The following MCF2L variants were observed in gnomAD, a reference collection of about 807,000 sequenced individuals.
MCF2L encodes the protein guanine nucleotide exchange factor DBS.
In MCF2L, 97 loss-of-function variants were observed where a neutral mutation model predicts 153.4. That is an observed-to-expected ratio of 0.63 (90% CI 0.54 to 0.75). The LOEUF (loss-of-function observed/expected upper bound fraction) is 0.75, where lower values mean the gene tolerates loss of function less well. MCF2L is among the 30% of genes least tolerant of loss of function. The probability of loss-of-function intolerance (pLI) is 0.00; values close to 1 mark genes in which losing one functional copy is unlikely to be tolerated. For synonymous variants in MCF2L, 659 were observed against 632.2 expected, an observed-to-expected ratio of 1.04 and a Z score of -0.64; for missense variants, 1,347 against 1,495.2, an observed-to-expected ratio of 0.90 and a Z score of 1.64.
At chr13:113,036,754 T>A (rs1010076947) in intron 3 of MCF2L, among the ~76,000 whole-genome samples, 1 of 152,268 alleles carries the variant, frequency 6.6e-6, no homozygotes, top group African/African-American at 2.4e-5. Flanking sequence ...GCCTCCTGGC[T>A]GCTGCCAGTG....
intron 12 of MCF2L, among the ~76,000 whole-genome samples, chr13:113,076,416 C>CGT: frequency 6.6e-6 from 1 of 152,154 alleles, no homozygotes. Context: ...AGGCGCCCAC[C>CGT]ACCAAGCCTG....
chr13:113,014,803 C>A lies in MCF2L; in HGVS notation c.120C>A (p.Ala40=). ...MHQDIVPLCA[A]DIQDQLKKRF... ...AGGACATCGTCCCGCTCTGTGCTGC[C>A]GACATCCAGGACCAGCTAAAGAAGC... is the stretch of plus-strand genomic sequence containing the variant. The change falls in exon 2 of 30, where the codon GCC becomes GCA. Residue 40 remains alanine, a synonymous_variant. Coordinates refer to ENST00000535094, the MANE Select transcript of MCF2L (RefSeq NM_001112732.3). The A allele has an allele frequency of 6.2e-7, 1 of 1,614,058 alleles. No homozygotes were observed. Among genetic ancestry groups the A allele is most frequent in the Admixed American group, 1.7e-5 (1 of 60,026 alleles).
In MCF2L at chr13:113,084,197, G is replaced by A. The variant is rs1202067748; in HGVS notation, c.2061+130G>A. 7.6e-6 allele frequency: 6 copies of A among 787,682 alleles called. No individual in the cohort carries two copies. In the African/African-American group the frequency reaches 8.5e-5, roughly 11 times the overall value. The allele number at this position is 787,682 out of a possible 1,614,324, so 48.8% of individuals were successfully genotyped here. A position where few individuals can be genotyped will look rare whatever the true frequency, so the allele number is the denominator to read the frequency against. ...AATACGATGTTTTCAATTTGGCTGA[G>A]ATACCATGATGCTCCTGTACCCCTA... is the stretch of plus-strand genomic sequence containing the variant. On this transcript the variant is annotated intron_variant, in intron 18 of 29. Transcript: ENST00000535094.
At chr13:113,014,527 C>G (rs1318953742) in intron 1 of MCF2L, among the ~76,000 whole-genome samples, 1 of 152,244 alleles carries the variant, frequency 6.6e-6, no homozygotes, top group African/African-American at 2.4e-5. Context: ...GTCCCTCTCT[C>G]TGAACCTCTT....
intron 1 of MCF2L, among the ~76,000 whole-genome samples, chr13:112,894,889 G>A (rs1401812839): frequency 1.5e-5 from 2 of 130,566 alleles, no homozygotes; most frequent in Admixed American, 1.5e-4. Flanking sequence ...CAGGGCTGGA[G>A]GGAAGGGTAG....
intron 11 of MCF2L, among the ~76,000 whole-genome samples, 181 bp downstream of exon 11, chr13:113,075,370 AC>A (rs1322721068): frequency 7.0e-6 from 1 of 142,644 alleles, no homozygotes; most frequent in Non-Finnish European, 1.5e-5. Context: ...TTCATTTGCC[AC>A]AGTTTTATTT....
intron 4 of MCF2L, among the ~76,000 whole-genome samples, chr13:113,057,025 G>GTTTGGGTGCTGAGTGTTTC: frequency 1.4e-5 from 2 of 147,184 alleles, no homozygotes; most frequent in Admixed American, 6.7e-5. Context: ...GGTGCTGAGT[G>GTTTGGGTGCTGAGTGTTTC]GGCACTGAGT....
chr13:113,037,663 G>A (rs1039704587), intron 3 of MCF2L, among the ~76,000 whole-genome samples: 1 of 152,190 alleles, frequency 6.6e-6, no homozygotes, highest in South Asian at 2.1e-4. Flanking sequence ...TTGAGGGATT[G>A]AGAGGCTGCA....
At chr13:113,095,945 C>T (rs1208192317) in intron 27 of MCF2L, 4 of 509,240 alleles carry the variant, frequency 7.9e-6, no homozygotes, top group Non-Finnish European at 1.1e-5. Flanking sequence ...AGGAGTGAGG[C>T]TTGGGGAGGT....
At chr13:113,000,928 G>A (rs1167870377) in intron 1 of MCF2L, among the ~76,000 whole-genome samples, 1 of 152,128 alleles carries the variant, frequency 6.6e-6, no homozygotes, top group African/African-American at 2.4e-5. Context: ...GATATTCTCA[G>A]GAGATGTGCG....
chr13:113,070,256 G>C lies in MCF2L; in HGVS notation c.996+83G>C. ...CTGCGCCCTGGTCCCAGTGCCGGGA[G>C]CTGAGCCGTGCCACCCAGTTGACTT... On this transcript the variant is annotated intron_variant, in intron 9 of 29. Transcript: ENST00000535094. The surrounding 1 kb of genome is among the most constrained non-coding windows in gnomAD (Gnocchi z 5.6). The C allele has an allele frequency of 1.1e-6, 1 of 877,010 alleles. No individual in the cohort carries two copies. The highest frequency in any genetic ancestry group is 1.7e-6 in the Non-Finnish European group (1 of 605,948). 54.3% of individuals were successfully genotyped at this position (877,010 alleles called of 1,614,324 possible). A position where few individuals can be genotyped will look rare whatever the true frequency, so the allele number is the denominator to read the frequency against.
At chr13:112,924,781 A>G (rs536568762) in intron 2 of MCF2L, among the ~76,000 whole-genome samples, 1 of 152,244 alleles carries the variant, frequency 6.6e-6, no homozygotes, top group Non-Finnish European at 1.5e-5. Flanking sequence ...AACACCTGAG[A>G]AAACCCTGGA....
At position 113,035,526 on chromosome 13, in the gene MCF2L, G is replaced by A. The variant is rs527566103; in HGVS notation, c.279-9745G>A. ...GGGTGTCTGATCCCTCAGGGGTCCT[G>A]TCTCCCCTCCTCTGGCCCCCTCCCT... On this transcript the variant is annotated intron_variant, in intron 3 of 29. Transcript: ENST00000535094. This position sits in a 1 kb window ranked among gnomAD's most constrained non-coding sequence, Gnocchi z 4.4. Among the ~76,000 whole-genome samples, 3 of 152,268 alleles carry A rather than the reference G, an allele frequency of 2.0e-5. No homozygotes were observed. The highest frequency in any genetic ancestry group is 7.2e-5 in the African/African-American group (3 of 41,552).
chr13:112,950,003 T>TCC (rs1555353389), intron 2 of MCF2L, among the ~76,000 whole-genome samples: 1 of 118,236 alleles, frequency 8.5e-6, no homozygotes, highest in African/African-American at 3.8e-5. Flanking sequence ...CCAAGGATTC[T>TCC]ACAAAAAAAA....
intron 1 of MCF2L, among the ~76,000 whole-genome samples, chr13:112,995,751 G>T (rs1438768937): frequency 6.6e-6 from 1 of 152,154 alleles, no homozygotes; most frequent in African/African-American, 2.4e-5. Context: ...GAGAGCAGTG[G>T]GAGAGTGTGC....
chr13:112,980,970 C>G (rs1054193686), intron 1 of MCF2L, among the ~76,000 whole-genome samples: 2 of 152,156 alleles, frequency 1.3e-5, no homozygotes, highest in African/African-American at 4.8e-5. Context: ...CCAACACATC[C>G]CCTTCCTGTG....
chr13:112,922,944 C>T (rs1566640195), intron 2 of MCF2L, among the ~76,000 whole-genome samples: 1 of 152,214 alleles, frequency 6.6e-6, no homozygotes, highest in Admixed American at 6.5e-5. Context: ...ATGTAAGTTT[C>T]ATAGATGTGG....
intron 2 of MCF2L, among the ~76,000 whole-genome samples, chr13:112,959,487 T>A (rs2040648344): frequency 6.6e-6 from 1 of 152,128 alleles, no homozygotes; most frequent in South Asian, 2.1e-4. Flanking sequence ...CACAGTGTGC[T>A]TTGTTCCTGC....
chr13:112,968,329 C>A (rs2140793104), upstream of MCF2L: 2 of 1,209,062 alleles, frequency 1.7e-6, no homozygotes, highest in Middle Eastern at 2.9e-4. Flanking sequence ...CGGTTTTGGG[C>A]GAGGAGAGCT....
Sources: gnomAD v4.1 joint callset for allele counts (sites outside exome capture counted in the v4.1 genomes callset) on GRCh38, gnomAD v4.1.1 for gene constraint, Gnocchi (gnomAD v3.1) non-coding constraint, MANE v1.5 for transcripts, NCBI Gene and HGNC (gene_info 2026-07-23, HGNC 2026-07-21) for gene names.